Variants in MLIP observed in about 807,000 individuals in gnomAD.
MLIP encodes the protein muscular LMNA-interacting protein.
A neutral mutation model predicts 84.8 loss-of-function variants in MLIP; 79 were observed. The ratio of observed to expected loss-of-function variants is 0.93; its 90% confidence interval spans 0.78 to 1.12. The LOEUF (loss-of-function observed/expected upper bound fraction) is 1.12. Among genes scored for constraint, MLIP ranks in the 50% most tolerant of loss-of-function variants. MLIP has a pLI of 0.00. For synonymous variants in MLIP, 504 were observed against 463.0 expected (o/e 1.09, Z -1.14); for missense variants, 1,257 against 1,160.6 (o/e 1.08, Z -1.21).
At chr6:54,128,136 A>G (rs1771081303) in intron 3 of MLIP, among the ~76,000 whole-genome samples, 1 of 152,312 alleles carries the variant, frequency 6.6e-6, no homozygotes, top group East Asian at 1.9e-4. Context: ...TGGCATCATT[A>G]ATTGAAGAAT....
At chr6:54,210,893 A>T (rs1006451741) in intron 11 of MLIP, among the ~76,000 whole-genome samples, 1 of 152,266 alleles carries the variant, frequency 6.6e-6, no homozygotes, top group South Asian at 2.1e-4. Context: ...TACCTTTGTT[A>T]AGTAAATAAA....
intron 4 of MLIP, 41 bp from the exon 5 acceptor site, chr6:54,149,015 C>A: frequency 6.6e-7 from 1 of 1,518,188 alleles, no homozygotes; most frequent in Non-Finnish European, 9.1e-7. Context: ...TATTCTTTCC[C>A]ATTTTCATCT....
intron 4 of MLIP, among the ~76,000 whole-genome samples, chr6:54,144,338 G>A (rs1443354732): frequency 2.0e-5 from 3 of 152,168 alleles, no homozygotes; most frequent in African/African-American, 7.2e-5. Context: ...GTGGTAGTGA[G>A]GCCCTTCACC....
At chr6:54,251,871 TA>T (rs1345719879) in intron 12 of MLIP, among the ~76,000 whole-genome samples, 1 of 82,478 alleles carries the variant, frequency 1.2e-5, no homozygotes, top group Non-Finnish European at 1.9e-5. Context: ...ATATATATTA[TA>T]ACATATAATA....
intron 1 of MLIP, among the ~76,000 whole-genome samples, chr6:54,099,887 T>C (rs1048257209): frequency 2.0e-5 from 3 of 151,936 alleles, no homozygotes; most frequent in Admixed American, 6.6e-5. Context: ...GGTATAAATG[T>C]AAAGGCAAGA....
chr6:54,105,739 T>C (rs1437834760), intron 1 of MLIP, among the ~76,000 whole-genome samples: 1 of 152,166 alleles, frequency 6.6e-6, no homozygotes, highest in Non-Finnish European at 1.5e-5. Context: ...AATGTGATAT[T>C]TGGGCAGAGA....
At chr6:54,037,943 G>A (rs1030682447) in intron 1 of MLIP, among the ~76,000 whole-genome samples, 1 of 151,850 alleles carries the variant, frequency 6.6e-6, no homozygotes, top group Non-Finnish European at 1.5e-5. Flanking sequence ...ATCTACTGAT[G>A]ATATTTTTGT....
At chr6:54,119,424 T>A (rs1288048427) in intron 1 of MLIP, among the ~76,000 whole-genome samples, 2 of 152,228 alleles carry the variant, frequency 1.3e-5, no homozygotes, top group African/African-American at 2.4e-5. Context: ...TTAAGTGGAA[T>A]AAGCCAGTTA....
chr6:54,189,979 TAA>T, intron 10 of MLIP, 65 bp downstream of exon 10: 1 of 1,113,170 alleles, frequency 9.0e-7, no homozygotes, highest in Non-Finnish European at 1.3e-6. Flanking sequence ...TTTACCTGAG[TAA>T]AAGTGAAAAA....
intron 8 of MLIP, among the ~76,000 whole-genome samples, chr6:54,162,572 G>A (rs575750314): frequency 6.6e-6 from 1 of 152,052 alleles, no homozygotes; most frequent in Non-Finnish European, 1.5e-5. Flanking sequence ...CAGTGATGGT[G>A]GTCTGGATAG....
At chr6:54,164,782 A>T (rs2150575223) in intron 8 of MLIP, among the ~76,000 whole-genome samples, 1 of 151,884 alleles carries the variant, frequency 6.6e-6, no homozygotes, top group East Asian at 1.9e-4. Flanking sequence ...TATTGCATGG[A>T]TCAGTAGCTC....
chr6:54,075,839 C>G (rs767266724), intron 1 of MLIP, among the ~76,000 whole-genome samples: 1 of 152,196 alleles, frequency 6.6e-6, no homozygotes, highest in Non-Finnish European at 1.5e-5. Flanking sequence ...AAAAACTTCT[C>G]TGATCTGCCA....
intron 1 of MLIP, among the ~76,000 whole-genome samples, chr6:54,050,815 G>C (rs9296735): frequency 0.13 from 19,601 of 152,038 alleles, 2,327 homozygotes; most frequent in African/African-American, 0.32. Flanking sequence ...ATTCTGAAAG[G>C]CTATTAAAGA....
chr6:54,212,150 T>C (rs565274165), intron 11 of MLIP, among the ~76,000 whole-genome samples: 2 of 152,342 alleles, frequency 1.3e-5, no homozygotes, highest in African/African-American at 4.8e-5. Context: ...ATTTCTTCTT[T>C]CTTACTTGTT....
At chr6:54,145,904 C>A (rs1173178071) in intron 4 of MLIP, among the ~76,000 whole-genome samples, 1 of 151,992 alleles carries the variant, frequency 6.6e-6, no homozygotes, top group African/African-American at 2.4e-5. Context: ...TGGGAGACCC[C>A]AGTGGCAGGA....
At chr6:54,205,547 G>A (rs1778977258) in intron 11 of MLIP, among the ~76,000 whole-genome samples, 1 of 100,578 alleles carries the variant, frequency 9.9e-6, no homozygotes, top group South Asian at 4.2e-4. Context: ...AGACACTAAA[G>A]ATGATAATGA....
intron 1 of MLIP, among the ~76,000 whole-genome samples, chr6:54,041,237 T>C (rs1764725387): frequency 6.6e-6 from 1 of 152,152 alleles, no homozygotes; most frequent in African/African-American, 2.4e-5. Context: ...TATTGCTCCA[T>C]GCCTCAATAG....
intron 3 of MLIP, among the ~76,000 whole-genome samples, chr6:54,129,760 TCATGGCCATCAGCTGGATGG>T (rs1309975290): frequency 6.6e-6 from 1 of 152,136 alleles, no homozygotes; most frequent in Non-Finnish European, 1.5e-5. Context: ...GGTGAAGTGT[TCATGGCCATCAGCTGGATGG>T]CTCTTTGAAT....
chr6:54,252,178 A>G (rs1157256013), intron 12 of MLIP, among the ~76,000 whole-genome samples: 1 of 79,694 alleles, frequency 1.3e-5, no homozygotes, highest in East Asian at 4.5e-4. Context: ...ATATTATAAC[A>G]TAATATATAA....
Sources: gnomAD v4.1 joint callset for allele counts (sites outside exome capture counted in the v4.1 genomes callset) on GRCh38, gnomAD v4.1.1 for gene constraint, MANE v1.5 for transcripts, NCBI Gene and HGNC (gene_info 2026-07-23, HGNC 2026-07-21) for gene names.